NOTO: variants seen among roughly 807,000 people sequenced by gnomAD.
NOTO encodes notochord homeobox.
Under a neutral mutation model 20.5 loss-of-function variants are expected in NOTO, and 19 were observed. The ratio of observed to expected loss-of-function variants is 0.93; its 90% CI spans 0.65 to 1.36. The LOEUF is 1.36. NOTO is among the 40% of genes most tolerant of loss of function. The probability of loss-of-function intolerance (pLI) is 0.00; values close to 1 mark genes in which losing one functional copy is unlikely to be tolerated. For synonymous variants in NOTO, 150 were observed against 150.2 expected (o/e 1.00, Z 0.01); for missense variants, 369 against 336.2 (o/e 1.10, Z -0.76).
rs1223331867 is a variant in NOTO at position 73,202,833 on chromosome 2, C to G, written c.167C>G (p.Ala56Gly). 1 of 1,525,284 alleles carries G rather than the reference C, an allele frequency of 6.6e-7. No individual in the cohort carries two copies. 94.5% of individuals were successfully genotyped at this position (1,525,284 alleles called of 1,614,324 possible). A position where few individuals can be genotyped will look rare whatever the true frequency, so the allele number is the denominator to read the frequency against. ...CCTTTCTCGGTCGAGGCCATCCTGG[C>G]GAGGCCCGACCCCTGCGCGCCGGCG... ...ESPFSVEAIL[A>G]RPDPCAPAAS... Residue 56 changes from alanine (A) to glycine (G), a missense_variant, in exon 1 of 3, where the codon GCG (alanine) becomes GGG (glycine). Ala to Gly is a moderately conservative substitution (Grantham distance 60, BLOSUM62 0). Coordinates refer to ENST00000398468, the MANE Select transcript of NOTO (RefSeq NM_001134462.2).
chr2:73,207,715 T>C (rs1339651652), intron 1 of NOTO, among the ~76,000 whole-genome samples: 1 of 152,018 alleles, frequency 6.6e-6, no homozygotes, highest in Non-Finnish European at 1.5e-5. Context: ...CCACCATGCC[T>C]GGCTAATTTT....
intron 1 of NOTO, among the ~76,000 whole-genome samples, chr2:73,205,967 G>T (rs1036780181): frequency 6.6e-6 from 1 of 152,116 alleles, no homozygotes; most frequent in African/African-American, 2.4e-5. Context: ...GAACTCCTGG[G>T]CTCAAGTGAT....
In NOTO at chr2:73,208,603, A is replaced by G. The variant is rs1298593766; in HGVS notation, c.586A>G (p.Thr196Ala). ...RAQLAARLKL[T>A]ENQVRVWFQN... ...CCAGCTGGCAGCTCGGCTCAAACTTACAGAGAACCAGGTGGGAGTAGGGAC... is the reference window on the plus strand; with the variant it reads ...CCAGCTGGCAGCTCGGCTCAAACTTGCAGAGAACCAGGTGGGAGTAGGGAC... The change falls in exon 2 of 3, where the codon ACA becomes GCA. Residue 196 changes from threonine (T) to alanine (A), a missense_variant. By Grantham distance (58) the Thr-to-Ala change is moderately conservative (BLOSUM62 0). Coordinates refer to ENST00000398468, the MANE Select transcript of NOTO (RefSeq NM_001134462.2). 22 of 1,550,486 alleles carry G rather than the reference A, an allele frequency of 1.4e-5. No individual in the cohort carries two copies. Among genetic ancestry groups the G allele is most frequent in the Non-Finnish European group, 1.5e-5 (17 of 1,146,232 alleles).
At chr2:73,205,283 G>A (rs1439083435) in intron 1 of NOTO, among the ~76,000 whole-genome samples, 1 of 152,176 alleles carries the variant, frequency 6.6e-6, no homozygotes, top group Non-Finnish European at 1.5e-5. Flanking sequence ...AGGCCAAGGC[G>A]GGTGGACTAC....
At chr2:73,203,449 G>A (rs1336228023) in intron 1 of NOTO, among the ~76,000 whole-genome samples, 8 of 148,428 alleles carry the variant, frequency 5.4e-5, no homozygotes, top group African/African-American at 1.3e-4. Context: ...CTCTCGACCC[G>A]AACCAATGGC....
intron 1 of NOTO, among the ~76,000 whole-genome samples, chr2:73,204,590 T>C (rs1381227685): frequency 6.6e-6 from 1 of 152,348 alleles, no homozygotes; most frequent in African/African-American, 2.4e-5. Flanking sequence ...CTGGGAGCTG[T>C]GCCCATCACT....
chr2:73,208,583 T>C lies in NOTO; in HGVS notation c.566T>C (p.Leu189Pro). Reference sequence around the variant, plus strand: ...CTGGTGGGGAAGAAGAGAGCCCAGCTGGCAGCTCGGCTCAAACTTACAGAG... The same window carrying C: ...CTGGTGGGGAAGAAGAGAGCCCAGCCGGCAGCTCGGCTCAAACTTACAGAG... ...HNLVGKKRAQ[L>P]AARLKLTENQ... The change falls in exon 2 of 3, where the codon CTG (leucine) becomes CCG (proline). Residue 189 changes from leucine (L) to proline (P), a missense_variant. Leu to Pro is a moderately conservative substitution (Grantham distance 98). Coordinates refer to ENST00000398468, the MANE Select transcript of NOTO (RefSeq NM_001134462.2). 6.4e-7 allele frequency: 1 copy of C among 1,551,392 alleles called. No homozygotes were observed. Among genetic ancestry groups the C allele is most frequent in the Non-Finnish European group, 8.7e-7 (1 of 1,146,892 alleles).
At chr2:73,209,860 C>T (rs951799873) in intron 2 of NOTO, among the ~76,000 whole-genome samples, 2 of 152,128 alleles carry the variant, frequency 1.3e-5, no homozygotes, top group African/African-American at 4.8e-5. Flanking sequence ...TATATGACCC[C>T]ACCGTCCACC....
chr2:73,207,352 T>TG (rs1686102891), intron 1 of NOTO, among the ~76,000 whole-genome samples: 2 of 152,142 alleles, frequency 1.3e-5, no homozygotes, highest in South Asian at 4.1e-4. Flanking sequence ...CCAAGGCTAG[T>TG]GGGGGCTGAG....
Position 73,202,836 on chromosome 2 carries a change from G to T in NOTO, c.170G>T (p.Arg57Met), listed in dbSNP as rs1686023655. The T allele has an allele frequency of 3.9e-6, 6 of 1,525,170 alleles. No homozygotes were observed. Among genetic ancestry groups the T allele is most frequent in the East Asian group, 2.5e-5 (1 of 39,274 alleles). The allele number at this position is 1,525,170 out of a possible 1,614,324, so 94.5% of individuals were successfully genotyped here. A position where few individuals can be genotyped will look rare whatever the true frequency, so the allele number is the denominator to read the frequency against. ...SPFSVEAILA[R>M]PDPCAPAASQ... ...TTCTCGGTCGAGGCCATCCTGGCGA[G>T]GCCCGACCCCTGCGCGCCGGCGGCC... The change falls in exon 1 of 3, where the codon AGG becomes ATG. Residue 57 changes from arginine to methionine, a missense_variant. Physicochemically the swap from Arg to Met is moderately conservative, Grantham distance 91. Coordinates refer to ENST00000398468, the MANE Select transcript of NOTO (RefSeq NM_001134462.2).
chr2:73,212,481 G>A lies in NOTO; in HGVS notation c.*1552G>A, dbSNP rs1686199193. The A allele has an allele frequency of 6.6e-6, 1 of 152,222 alleles. No individual in the cohort carries two copies. Among genetic ancestry groups the A allele is most frequent in the South Asian group, 2.1e-4 (1 of 4,836 alleles). 9.4% of individuals were successfully genotyped at this position (152,222 alleles called of 1,614,324 possible). On this transcript the variant is annotated 3_prime_UTR_variant, in exon 3 of 3. Coordinates refer to ENST00000398468, the MANE Select transcript of NOTO (RefSeq NM_001134462.2). ...TCATAAACTCTGCTGTGTTTTCACA[G>A]GACAGTTATAATTTCCCCCTTTCAT...
chr2:73,204,568 A>G (rs1021254992), intron 1 of NOTO, among the ~76,000 whole-genome samples: 1 of 152,132 alleles, frequency 6.6e-6, no homozygotes, highest in African/African-American at 2.4e-5. Context: ...TCTAAATTCA[A>G]TACCACTGGA....
At position 73,202,808 on chromosome 2, in the gene NOTO, C is replaced by G. The variant is rs900709709; in HGVS notation, c.142C>G (p.Pro48Ala). Residue 48 changes from proline to alanine, a missense_variant, in exon 1 of 3, where the codon CCT becomes GCT. Pro to Ala is a conservative substitution (Grantham distance 27, BLOSUM62 -1). Coordinates refer to ENST00000398468, the MANE Select transcript of NOTO (RefSeq NM_001134462.2). ...CCGCGCTCCCGGACGCTTCGAGTCC[C>G]CTTTCTCGGTCGAGGCCATCCTGGC... ...TPRAPGRFES[P>A]FSVEAILARP... The G allele has an allele frequency of 5.2e-6, 8 of 1,526,566 alleles. No homozygotes were observed. Among genetic ancestry groups the G allele is most frequent in the Middle Eastern group, 1.7e-4 (1 of 5,948 alleles). The allele number at this position is 1,526,566 out of a possible 1,614,324, so 94.6% of individuals were successfully genotyped here.
chr2:73,204,870 A>ATTTTTTTTTTTTTTTTTTTTT (rs763001329), intron 1 of NOTO, among the ~76,000 whole-genome samples: 2 of 93,012 alleles, frequency 2.2e-5, no homozygotes, highest in Non-Finnish European at 2.0e-5. Context: ...TGCCCGGCTA[A>ATTTTTTTTTTTTTTTTTTTTT]TTTTTTTTAT....
At chr2:73,206,418 A>C (rs1372384376) in intron 1 of NOTO, among the ~76,000 whole-genome samples, 4 of 151,604 alleles carry the variant, frequency 2.6e-5, no homozygotes, top group Non-Finnish European at 5.9e-5. Context: ...GGCTCACTAC[A>C]ACCTCTGCCT....
rs1686026701 is a variant in NOTO, at chr2:73,202,952, ACAT to A, written c.288_290del (p.Ser97del). 4.0e-6 allele frequency: 6 copies of A among 1,514,158 alleles called. No homozygotes were observed. The highest frequency in any genetic ancestry group is 1.7e-4 in the Middle Eastern group (1 of 5,832). 93.8% of individuals were successfully genotyped at this position (1,514,158 alleles called of 1,614,324 possible). A position where few individuals can be genotyped will look rare whatever the true frequency, so the allele number is the denominator to read the frequency against. Reference sequence around the variant, plus strand: ...CGGGGGTCTGCCCTGGGCTTGCCCGACATCGTGGCTGCCCGCCTACCTGAGCGT... The same window carrying A: ...CGGGGGTCTGCCCTGGGCTTGCCCGACGTGGCTGCCCGCCTACCTGAGCGT... On this transcript the variant is annotated inframe_deletion, in exon 1 of 3. Transcript: ENST00000398468.
Position 73,202,996 on chromosome 2 carries a change from G to T in NOTO, c.330G>T (p.Val110=). The part of the protein sequence containing the change: ...PAYLSVGFYP[V]PGPRVAPVCG... ...ACCTGAGCGTAGGTTTTTACCCTGTGCCAGGGCCGCGCGTGGCTCCCGTCT... is the reference window on the plus strand; with the variant it reads ...ACCTGAGCGTAGGTTTTTACCCTGTTCCAGGGCCGCGCGTGGCTCCCGTCT... The change falls in exon 1 of 3, where the codon GTG becomes GTT. Residue 110 remains valine (V), a synonymous_variant. Transcript: ENST00000398468. 1 of 1,446,884 alleles carries T rather than the reference G, an allele frequency of 6.9e-7. No homozygotes were observed. Among genetic ancestry groups the T allele is most frequent in the Non-Finnish European group, 9.1e-7 (1 of 1,100,494 alleles). 89.6% of individuals were successfully genotyped at this position (1,446,884 alleles called of 1,614,324 possible). A position where few individuals can be genotyped will look rare whatever the true frequency, so the allele number is the denominator to read the frequency against.
In NOTO at chr2:73,210,902, T is replaced by C; in HGVS notation, c.729T>C (p.Asp243=). 1 of 1,551,424 alleles carries C rather than the reference T, an allele frequency of 6.4e-7. No homozygotes were observed. The highest frequency in any genetic ancestry group is 8.7e-7 in the Non-Finnish European group (1 of 1,146,832). ...SSSSIASIQS[D]DAESGVDG ...GCTCCATCGCCAGTATCCAGAGTGA[T>C]GATGCCGAGTCAGGAGTGGACGGCT... Residue 243 remains aspartate (D), a synonymous_variant, in exon 3 of 3, where the codon GAT becomes GAC. Coordinates refer to ENST00000398468, the MANE Select transcript of NOTO (RefSeq NM_001134462.2).
Position 73,202,916 on chromosome 2 carries a change from C to T in NOTO, c.250C>T (p.Leu84=). ...VHPAFWTAAS[L]CATGGLPWAC... is the part of the protein sequence containing the mutation. ...CCCGGCCTTCTGGACCGCTGCTTCC[C>T]TGTGCGCCACCGGGGGTCTGCCCTG... Residue 84 remains leucine, a synonymous_variant, in exon 1 of 3, where the codon CTG becomes TTG. Coordinates refer to ENST00000398468, the MANE Select transcript of NOTO (RefSeq NM_001134462.2). 6.6e-7 allele frequency: 1 copy of T among 1,526,120 alleles called. No individual in the cohort carries two copies. Among genetic ancestry groups the T allele is most frequent in the Middle Eastern group, 1.7e-4 (1 of 5,894 alleles). 94.5% of individuals were successfully genotyped at this position (1,526,120 alleles called of 1,614,324 possible). A position where few individuals can be genotyped will look rare whatever the true frequency, so the allele number is the denominator to read the frequency against.
Sources: gnomAD v4.1 joint callset for allele counts (sites outside exome capture counted in the v4.1 genomes callset) on GRCh38, gnomAD v4.1.1 for gene constraint, MANE v1.5 for transcripts, NCBI Gene and HGNC (gene_info 2026-07-23, HGNC 2026-07-21) for gene names.